Variants in ST8SIA6 observed in about 807,000 individuals in gnomAD.
ST8SIA6 encodes ST8 alpha-N-acetyl-neuraminide alpha-2,8-sialyltransferase 6.
ST8SIA6 carries 39 observed loss-of-function variants against 33.6 expected under a neutral mutation model. That is an observed-to-expected ratio of 1.16 (90% CI 0.90 to 1.52). ST8SIA6 has a LOEUF of 1.52. Among genes scored for constraint, ST8SIA6 ranks in the 40% most tolerant of loss-of-function variants. ST8SIA6 has a pLI of 0.00. For missense variants in ST8SIA6, 441 were observed against 443.8 expected, an observed-to-expected ratio of 0.99 and a Z score of 0.06; for synonymous variants, 172 against 167.2, an observed-to-expected ratio of 1.03 and a Z score of -0.22.
intron 2 of ST8SIA6, chr10:17,399,228 A>G (rs1004836803): frequency 3.9e-5 from 6 of 152,212 alleles, no homozygotes; most frequent in African/African-American, 1.4e-4. Context: ...AAAACAAGGT[A>G]GAAAACAGTT....
Position 17,315,848 on chromosome 10 carries a change from A to G in ST8SIA6, c.*5030T>C, listed in dbSNP as rs1240352986. ...TAATTGGAGAGACGGTTTCATGGGT[A>G]TATGCATGTACATAAATATGTGCCA... On this transcript the variant is annotated 3_prime_UTR_variant, in exon 8 of 8. Transcript: ENST00000377602. Among the ~76,000 whole-genome samples the G allele has an allele frequency of 1.3e-5, 2 of 151,984 alleles. No homozygotes were observed. Among genetic ancestry groups the G allele is most frequent in the Non-Finnish European group, 2.9e-5 (2 of 67,902 alleles).
At chr10:17,448,222 C>T (rs1251802292) in intron 2 of ST8SIA6, among the ~76,000 whole-genome samples, 1 of 152,172 alleles carries the variant, frequency 6.6e-6, no homozygotes, top group Non-Finnish European at 1.5e-5. Flanking sequence ...AGGCGAACCT[C>T]TATAGGAAAA....
At chr10:17,352,710 A>G (rs1849073719) in intron 4 of ST8SIA6, among the ~76,000 whole-genome samples, 1 of 152,182 alleles carries the variant, frequency 6.6e-6, no homozygotes, top group South Asian at 2.1e-4. Flanking sequence ...TCTGAAGACC[A>G]AGGAGAGGAG....
chr10:17,395,352 A>G lies in ST8SIA6; in HGVS notation c.201-4732T>C, dbSNP rs559166222. 7.2e-5 allele frequency among the ~76,000 whole-genome samples: 11 copies of G among 152,272 alleles called. No homozygotes were observed. The East Asian group carries it at 1.9e-3, about 27-fold the overall frequency. ...GCTGCAGGAGAACTCCTTTCCAGGT[A>G]GAAGTCCAGCATATGAATGCAGAGG... On this transcript the variant is annotated intron_variant, in intron 2 of 7. Coordinates refer to ENST00000377602, the MANE Select transcript of ST8SIA6 (RefSeq NM_001004470.3).
At chr10:17,448,220 C>T (rs989417023) in intron 2 of ST8SIA6, among the ~76,000 whole-genome samples, 24 of 152,258 alleles carry the variant, frequency 1.6e-4, no homozygotes, top group African/African-American at 5.5e-4. Context: ...GCAGGCGAAC[C>T]TCTATAGGAA....
At chr10:17,325,270 A>G (rs1024446230) in intron 6 of ST8SIA6, among the ~76,000 whole-genome samples, 5 of 144,924 alleles carry the variant, frequency 3.5e-5, no homozygotes, top group Middle Eastern at 5.4e-3. Flanking sequence ...TATACTATAC[A>G]ATGTACAATA....
At chr10:17,406,954 C>A (rs953451435) in intron 2 of ST8SIA6, among the ~76,000 whole-genome samples, 1 of 152,092 alleles carries the variant, frequency 6.6e-6, no homozygotes. Flanking sequence ...GCCACCACAC[C>A]TGGCTAATTT....
intron 2 of ST8SIA6, among the ~76,000 whole-genome samples, chr10:17,394,839 A>T (rs1850748532): frequency 6.6e-6 from 1 of 152,146 alleles, no homozygotes; most frequent in Non-Finnish European, 1.5e-5. Context: ...GACAAGTCAT[A>T]GGGGATTGAG....
At chr10:17,400,557 C>T (rs1335128029) in intron 2 of ST8SIA6, among the ~76,000 whole-genome samples, 1 of 152,034 alleles carries the variant, frequency 6.6e-6, no homozygotes, top group Non-Finnish European at 1.5e-5. Flanking sequence ...AAACCAAATC[C>T]AGCACATCAA....
At chr10:17,336,660 C>A (rs920856331) in intron 4 of ST8SIA6, among the ~76,000 whole-genome samples, 1 of 148,458 alleles carries the variant, frequency 6.7e-6, no homozygotes, top group African/African-American at 2.5e-5. Context: ...GTGGCCCGAT[C>A]TCAGCTCACT....
At chr10:17,335,214 C>G (rs1033953144) in intron 4 of ST8SIA6, among the ~76,000 whole-genome samples, 1 of 152,144 alleles carries the variant, frequency 6.6e-6, no homozygotes, top group South Asian at 2.1e-4. Context: ...CTCCGTATTA[C>G]TTAAAAATCT....
At chr10:17,333,731 T>TTC in intron 4 of ST8SIA6, among the ~76,000 whole-genome samples, 1 of 103,836 alleles carries the variant, frequency 9.6e-6, no homozygotes, top group Non-Finnish European at 1.9e-5. Context: ...TTTTTTTTTT[T>TTC]TTTTTTTTTT....
rs934725849 is a variant in ST8SIA6 at position 17,316,265 on chromosome 10, GT to G, written c.*4612del. Reference sequence around the variant, plus strand: ...CGCTTTAAAGTAATTAAATGGCATTGTGCTAAAGCTTTTGTTTTCCCTTTAT... The same window carrying G: ...CGCTTTAAAGTAATTAAATGGCATTGGCTAAAGCTTTTGTTTTCCCTTTAT... On this transcript the variant is annotated 3_prime_UTR_variant, in exon 8 of 8. Transcript: ENST00000377602. Among the ~76,000 whole-genome samples the G allele has an allele frequency of 6.2e-4, 95 of 152,096 alleles. No homozygotes were observed. Among genetic ancestry groups the G allele is most frequent in the African/African-American group, 2.2e-3 (92 of 41,536 alleles).
At chr10:17,400,081 G>C (rs1051874278) in intron 2 of ST8SIA6, among the ~76,000 whole-genome samples, 9 of 152,150 alleles carry the variant, frequency 5.9e-5, no homozygotes, top group African/African-American at 2.2e-4. Flanking sequence ...GCCAGTAAAA[G>C]AACTGGCAAA....
chr10:17,321,962 G>C (rs1319874923), intron 7 of ST8SIA6, among the ~76,000 whole-genome samples: 1 of 152,002 alleles, frequency 6.6e-6, no homozygotes, highest in East Asian at 1.9e-4. Flanking sequence ...TATTAGCTGG[G>C]AACGGTGGTG....
intron 4 of ST8SIA6, among the ~76,000 whole-genome samples, chr10:17,359,077 A>C (rs1849298680): frequency 6.6e-6 from 1 of 152,210 alleles, no homozygotes. Context: ...CACGCCCCTG[A>C]ATGTCACTTG....
At chr10:17,392,846 G>A (rs1325711501) in intron 2 of ST8SIA6, among the ~76,000 whole-genome samples, 1 of 152,212 alleles carries the variant, frequency 6.6e-6, no homozygotes, top group East Asian at 1.9e-4. Flanking sequence ...GTCTAGGGCA[G>A]CTGTGCTCCA....
intron 2 of ST8SIA6, among the ~76,000 whole-genome samples, chr10:17,437,792 C>A (rs1852333243): frequency 6.6e-6 from 1 of 151,160 alleles, no homozygotes; most frequent in Non-Finnish European, 1.5e-5. Context: ...GTGCAGTGGC[C>A]CAATCTTGGC....
chr10:17,396,040 G>A (rs541944902), intron 2 of ST8SIA6, among the ~76,000 whole-genome samples: 1 of 152,302 alleles, frequency 6.6e-6, no homozygotes, highest in South Asian at 2.1e-4. Flanking sequence ...AGTCGGGTTA[G>A]CATGAGAAGC....
Sources: allele counts gnomAD v4.1 joint callset (sites outside exome capture counted in the v4.1 genomes callset), GRCh38; gene constraint gnomAD v4.1.1; transcripts MANE v1.5; gene names NCBI Gene and HGNC (gene_info 2026-07-23, HGNC 2026-07-21).